CCSER1: variants seen among roughly 807,000 people sequenced by gnomAD.
CCSER1 encodes the protein serine-rich coiled-coil domain-containing protein 1.
In CCSER1, 41 loss-of-function variants were observed where a neutral mutation model predicts 82.0. The observed-to-expected ratio is 0.50, with a 90% CI of 0.39 to 0.65. CCSER1 has a LOEUF of 0.65. CCSER1 is among the 30% of genes least tolerant of loss of function. The pLI is 0.00. For missense variants in CCSER1, 1,119 were observed against 1,064.2 expected (o/e 1.05, Z -0.72); for synonymous variants, 414 against 383.9 (o/e 1.08, Z -0.92).
At position 90,656,101 on chromosome 4, in the gene CCSER1, T is replaced by C. The variant is rs1729651701; in HGVS notation, c.1932+27869T>C. ...GAGAAAGAAAAAGATATTCATTTGT[T>C]TGACAGGTTGACATTAAAAATCTCT... On this transcript the variant is annotated intron_variant, in intron 6 of 10. Transcript: ENST00000509176. Among the ~76,000 whole-genome samples the C allele has an allele frequency of 2.0e-5, 3 of 152,050 alleles. No homozygotes were observed. In the South Asian group the frequency reaches 6.2e-4, roughly 32 times the overall value.
chr4:90,888,740 T>C (rs747752351), intron 8 of CCSER1, among the ~76,000 whole-genome samples: 1 of 152,170 alleles, frequency 6.6e-6, no homozygotes, highest in Non-Finnish European at 1.5e-5. Context: ...TTTTGAGATG[T>C]AAGTAACATA....
intron 3 of CCSER1, among the ~76,000 whole-genome samples, chr4:90,325,987 T>A (rs977420264): frequency 6.6e-6 from 1 of 151,710 alleles, no homozygotes; most frequent in African/African-American, 2.4e-5. Flanking sequence ...ATTTGTAATG[T>A]AAGTGTAAAA....
At chr4:91,543,365 G>C (rs1186629445) in intron 10 of CCSER1, among the ~76,000 whole-genome samples, 1 of 152,116 alleles carries the variant, frequency 6.6e-6, no homozygotes, top group African/African-American at 2.4e-5. Flanking sequence ...TGGTTATTTT[G>C]CTTGTTAGTT....
chr4:90,228,778 G>A (rs1349033542), intron 1 of CCSER1, among the ~76,000 whole-genome samples: 3 of 152,210 alleles, frequency 2.0e-5, no homozygotes, highest in Non-Finnish European at 2.9e-5. Flanking sequence ...GTGCTTAAAG[G>A]AGCTGATGGA....
intron 1 of CCSER1, among the ~76,000 whole-genome samples, chr4:90,194,077 T>C (rs2153399075): frequency 6.6e-6 from 1 of 152,192 alleles, no homozygotes; most frequent in South Asian, 2.1e-4. Context: ...TGATAGGCAG[T>C]CACAATAGAG....
intron 1 of CCSER1, among the ~76,000 whole-genome samples, chr4:90,251,474 A>G (rs1176513773): frequency 6.6e-6 from 1 of 151,844 alleles, no homozygotes; most frequent in African/African-American, 2.4e-5. Context: ...CTGCATCTAT[A>G]ACAGAAACAT....
chr4:90,839,073 A>G, intron 8 of CCSER1: 1 of 1,587,504 alleles, frequency 6.3e-7, no homozygotes, highest in Non-Finnish European at 8.6e-7. Context: ...GCGCGCGAGT[A>G]CGAGCGAAGT....
chr4:90,960,488 C>T (rs1019403065), intron 9 of CCSER1, among the ~76,000 whole-genome samples: 1 of 152,172 alleles, frequency 6.6e-6, no homozygotes, highest in Non-Finnish European at 1.5e-5. Flanking sequence ...CCTGAAACCT[C>T]AACTGCACCT....
At chr4:90,349,873 T>A (rs1199375276) in intron 3 of CCSER1, among the ~76,000 whole-genome samples, 2 of 151,690 alleles carry the variant, frequency 1.3e-5, no homozygotes, top group Non-Finnish European at 2.9e-5. Context: ...TGAGTTTAAG[T>A]AAAGTGTTCA....
At chr4:91,362,973 A>G (rs917141797) in intron 10 of CCSER1, among the ~76,000 whole-genome samples, 1 of 151,716 alleles carries the variant, frequency 6.6e-6, no homozygotes, top group Non-Finnish European at 1.5e-5. Context: ...CATTTTAAAC[A>G]AACAATCCAA....
chr4:90,513,578 A>G (rs1422980920), intron 5 of CCSER1, among the ~76,000 whole-genome samples: 2 of 152,182 alleles, frequency 1.3e-5, no homozygotes, highest in African/African-American at 4.8e-5. Context: ...CCTCCTCCCC[A>G]TCTGCTGCAT....
chr4:90,194,503 G>A (rs527424085), intron 1 of CCSER1, among the ~76,000 whole-genome samples: 50 of 151,576 alleles, frequency 3.3e-4, no homozygotes, highest in Admixed American at 7.2e-4. Context: ...TTTTATTTTC[G>A]CCTGCTTTAA....
chr4:90,525,573 T>G (rs1175378664), intron 5 of CCSER1, among the ~76,000 whole-genome samples: 2 of 152,120 alleles, frequency 1.3e-5, no homozygotes, highest in Non-Finnish European at 2.9e-5. Flanking sequence ...TTATTGTACT[T>G]TCTTCTCTCA....
In CCSER1 at chr4:91,484,216, C is replaced by T. The variant is rs565743396; in HGVS notation, c.2218-114356C>T. ...GCATTTTGAAACAAACTGAAAAACACTAAATTCAGCTTATTTGAGCTTTTT... is the reference window on the plus strand; with the variant it reads ...GCATTTTGAAACAAACTGAAAAACATTAAATTCAGCTTATTTGAGCTTTTT... On this transcript the variant is annotated intron_variant, in intron 10 of 10. Transcript: ENST00000509176. 9.9e-5 allele frequency among the ~76,000 whole-genome samples: 15 copies of T among 152,024 alleles called. No individual in the cohort carries two copies. The South Asian group carries it at 1.2e-3, about 13-fold the overall frequency.
At chr4:90,735,169 A>T (rs1745442338) in intron 7 of CCSER1, among the ~76,000 whole-genome samples, 1 of 152,128 alleles carries the variant, frequency 6.6e-6, no homozygotes, top group South Asian at 2.1e-4. Context: ...CTGTAGAATG[A>T]ATTCTACCTG....
intron 6 of CCSER1, among the ~76,000 whole-genome samples, chr4:90,688,084 A>G (rs1340872909): frequency 1.3e-5 from 2 of 152,158 alleles, no homozygotes; most frequent in East Asian, 1.9e-4. Context: ...TGGTGTTATA[A>G]GTCCAAGTAT....
chr4:91,236,862 G>T (rs192401460), intron 10 of CCSER1, among the ~76,000 whole-genome samples: 1 of 152,292 alleles, frequency 6.6e-6, no homozygotes, highest in African/African-American at 2.4e-5. Context: ...TTGAAATCCA[G>T]TGTTGTGTTT....
At chr4:90,407,895 G>C (rs970456238) in intron 4 of CCSER1, among the ~76,000 whole-genome samples, 1 of 152,072 alleles carries the variant, frequency 6.6e-6, no homozygotes, top group Non-Finnish European at 1.5e-5. Flanking sequence ...TCAAAGAAAG[G>C]GGTGACAGAC....
intron 4 of CCSER1, among the ~76,000 whole-genome samples, chr4:90,402,637 A>G (rs1753041538): frequency 6.6e-6 from 1 of 152,200 alleles, no homozygotes; most frequent in African/African-American, 2.4e-5. Flanking sequence ...AAATAAAACA[A>G]AGCAACAATT....
Sources: allele counts gnomAD v4.1 joint callset (sites outside exome capture counted in the v4.1 genomes callset), GRCh38; gene constraint gnomAD v4.1.1; transcripts MANE v1.5; gene names NCBI Gene and HGNC (gene_info 2026-07-23, HGNC 2026-07-21).